The following NSD2 variants were observed in gnomAD, a reference collection of about 807,000 sequenced individuals.
The protein encoded by NSD2 is nuclear receptor binding SET domain protein 2, also known as histone-lysine N-methyltransferase NSD2.
In NSD2, 12 loss-of-function variants were observed where a neutral mutation model predicts 139.0. The observed-to-expected ratio is 0.09, with a 90% CI of 0.06 to 0.14. The LOEUF is 0.14. Among genes scored for constraint, NSD2 ranks in the 10% least tolerant of loss-of-function variants. The probability of loss-of-function intolerance (pLI) is 1.00; values close to 1 mark genes in which losing one functional copy is unlikely to be tolerated. For missense variants in NSD2, 1,155 were observed against 1,745.0 expected, an observed-to-expected ratio of 0.66 and a Z score of 6.02; for synonymous variants, 669 against 648.7, an observed-to-expected ratio of 1.03 and a Z score of -0.48.
intron 18 of NSD2, among the ~76,000 whole-genome samples, chr4:1,966,465 G>C (rs753443319): frequency 6.6e-6 from 1 of 152,056 alleles, no homozygotes; most frequent in Non-Finnish European, 1.5e-5. Context: ...GATCATCCTG[G>C]TTAACACGGT....
chr4:1,880,672 C>T (rs1274013306), intron 1 of NSD2, among the ~76,000 whole-genome samples: 1 of 150,872 alleles, frequency 6.6e-6, no homozygotes, highest in African/African-American at 2.4e-5. Context: ...AACCAATCTA[C>T]AGGAAATACA....
intron 1 of NSD2, among the ~76,000 whole-genome samples, chr4:1,895,980 C>G (rs1261342716): frequency 6.6e-6 from 1 of 152,216 alleles, no homozygotes; most frequent in Non-Finnish European, 1.5e-5. Context: ...AAGTCCTCTG[C>G]CTGGTGGTGG....
chr4:1,942,944 TTTA>T lies in NSD2; in HGVS notation c.1881+3171_1881+3173del. On this transcript the variant is annotated intron_variant, in intron 9 of 21. Transcript: ENST00000508803. This position sits in a 1 kb window ranked among gnomAD's most constrained non-coding sequence, Gnocchi z 4.0. ...ATTCTATCCTTTTTTACTAAACAGTTTTATTATGACACTAGATACAGTAAATTT... is the reference window on the plus strand; with the variant it reads ...ATTCTATCCTTTTTTACTAAACAGTTTTATGACACTAGATACAGTAAATTT... The T allele has an allele frequency of 9.5e-7, 1 of 1,053,532 alleles. No homozygotes were observed. Among genetic ancestry groups the T allele is most frequent in the Non-Finnish European group, 1.1e-6 (1 of 871,976 alleles). 65.3% of individuals were successfully genotyped at this position (1,053,532 alleles called of 1,614,324 possible).
rs1343246810 is a variant in NSD2, at chr4:1,979,421, T to C, written c.*512T>C. On this transcript the variant is annotated 3_prime_UTR_variant, in exon 22 of 22. Coordinates refer to ENST00000508803, the MANE Select transcript of NSD2 (RefSeq NM_001042424.3). Reference sequence around the variant, plus strand: ...GCCATTGTGATCATTACTCTGCTCTTTGGAAATGGCTGTATCATTTTTTTG... The same window carrying C: ...GCCATTGTGATCATTACTCTGCTCTCTGGAAATGGCTGTATCATTTTTTTG... 8.6e-6 allele frequency: 2 copies of C among 233,882 alleles called. No homozygotes were observed. The highest frequency in any genetic ancestry group is 2.2e-5 in the African/African-American group (1 of 45,390). The allele number at this position is 233,882 out of a possible 1,614,324, so 14.5% of individuals were successfully genotyped here.
intron 4 of NSD2, 108 bp downstream of exon 4, chr4:1,917,145 C>A: frequency 9.3e-7 from 1 of 1,076,558 alleles, no homozygotes; most frequent in Non-Finnish European, 1.3e-6. Flanking sequence ...ATTGTAATGG[C>A]TTAACAATCT....
chr4:1,932,104 C>T (rs969222934), intron 6 of NSD2, among the ~76,000 whole-genome samples: 1 of 152,126 alleles, frequency 6.6e-6, no homozygotes, highest in Admixed American at 6.5e-5. Context: ...GGATGGCGCA[C>T]CACATCATTG....
At chr4:1,872,629 A>AGAGAGAGAGAGAGAGC (rs1553856461) in intron 1 of NSD2, among the ~76,000 whole-genome samples, 3 of 142,596 alleles carry the variant, frequency 2.1e-5, no homozygotes, top group African/African-American at 5.2e-5. Flanking sequence ...AGAGAGAGAG[A>AGAGAGAGAGAGAGAGC]GAGAGAGCGC....
In NSD2 at chr4:1,982,012, T is replaced by C. The variant is rs1727814728; in HGVS notation, c.*3103T>C. 5.0e-6 allele frequency: 2 copies of C among 398,414 alleles called. No homozygotes were observed. Among genetic ancestry groups the C allele is most frequent in the African/African-American group, 2.1e-5 (1 of 48,640 alleles). The allele number at this position is 398,414 out of a possible 1,614,324, so 24.7% of individuals were successfully genotyped here. A position where few individuals can be genotyped will look rare whatever the true frequency, so the allele number is the denominator to read the frequency against. Reference sequence around the variant, plus strand: ...AAGGTCAGATTCCTTTTAGGAATACTGGGTGCTGTCACCAGGTTTGATAGT... The same window carrying C: ...AAGGTCAGATTCCTTTTAGGAATACCGGGTGCTGTCACCAGGTTTGATAGT... On this transcript the variant is annotated 3_prime_UTR_variant, in exon 22 of 22. Transcript: ENST00000508803.
chr4:1,909,856 G>A (rs978677245), intron 3 of NSD2, among the ~76,000 whole-genome samples: 2 of 151,756 alleles, frequency 1.3e-5, no homozygotes, highest in African/African-American at 4.8e-5. Flanking sequence ...GGCCAGGCTG[G>A]TCTCAACCTC....
At chr4:1,946,213 A>G in intron 9 of NSD2, 1 of 1,016,692 alleles carries the variant, frequency 9.8e-7, no homozygotes, top group Non-Finnish European at 1.2e-6. Flanking sequence ...CAAAGCTGTT[A>G]TTGGCTTCTT....
chr4:1,888,901 A>ATT (rs775054313), intron 1 of NSD2, among the ~76,000 whole-genome samples: 14 of 118,900 alleles, frequency 1.2e-4, no homozygotes, highest in African/African-American at 3.1e-4. Context: ...GTATATTAGT[A>ATT]TTTTTTTTTT....
intron 6 of NSD2, among the ~76,000 whole-genome samples, chr4:1,931,216 C>T (rs426891): frequency 0.041 from 6,236 of 152,278 alleles, 176 homozygotes; most frequent in Non-Finnish European, 0.064. Context: ...CTGTAGTCTG[C>T]ACCTTACAGG....
At chr4:1,952,663 C>A in intron 11 of NSD2, 1 of 1,022,044 alleles carries the variant, frequency 9.8e-7, no homozygotes, top group Non-Finnish European at 1.2e-6. Context: ...CACAGTGTCA[C>A]CTTGAGCCTC....
rs2108805076 is a variant in NSD2 at position 1,918,444 on chromosome 4, A to G, written c.1231A>G (p.Thr411Ala). Residue 411 changes from threonine (T) to alanine (A), a missense_variant, in exon 5 of 22, where the codon ACC (threonine) becomes GCC (alanine). By Grantham distance (58) the Thr-to-Ala change is moderately conservative. This residue lies in a region of NSD2 where 420 missense variants were observed against 469.0 expected (regional missense o/e 0.90). Coordinates refer to ENST00000508803, the MANE Select transcript of NSD2 (RefSeq NM_001042424.3). ...RRAKLCSSAE[T>A]LESHPDIGKS... ...GGCCAAACTGTGTAGCTCTGCAGAG[A>G]CCCTGGAGAGTCACCCCGACATAGG... The G allele has an allele frequency of 1.2e-6, 2 of 1,614,026 alleles. No homozygotes were observed. The highest frequency in any genetic ancestry group is 2.2e-5 in the East Asian group (1 of 44,852).
At chr4:1,943,006 A>G (rs1007267966) in intron 9 of NSD2, 1 of 1,050,856 alleles carries the variant, frequency 9.5e-7, no homozygotes, top group African/African-American at 1.7e-5. Flanking sequence ...TATTATTGTG[A>G]ACCATTTAAC....
chr4:1,872,629 A>AGAGAGAGAGAGAGC (rs1553856461), intron 1 of NSD2, among the ~76,000 whole-genome samples: 17 of 142,678 alleles, frequency 1.2e-4, no homozygotes, highest in African/African-American at 4.1e-4. Flanking sequence ...AGAGAGAGAG[A>AGAGAGAGAGAGAGC]GAGAGAGCGC....
chr4:1,881,228 C>T (rs771832947), intron 1 of NSD2, among the ~76,000 whole-genome samples: 4 of 151,978 alleles, frequency 2.6e-5, no homozygotes, highest in Non-Finnish European at 5.9e-5. Flanking sequence ...AGGCGTGTGC[C>T]ACTACACCTG....
rs755620801 is a variant in NSD2 at position 1,978,629 on chromosome 4, C to T, written c.3827-9C>T. The T allele has an allele frequency of 6.3e-7, 1 of 1,596,916 alleles. No individual in the cohort carries two copies. The highest frequency in any genetic ancestry group is 8.6e-7 in the Non-Finnish European group (1 of 1,167,460). On this transcript the variant is annotated splice_polypyrimidine_tract_variant and intron_variant, in intron 21 of 21. Transcript: ENST00000508803. ...CTTCTGTGTGCTCACATCTTGTGTT[C>T]TGTTGCAGGGAAGTGGGAATGTCCT...
chr4:1,975,716 T>C (rs990247219), intron 20 of NSD2: 4 of 285,272 alleles, frequency 1.4e-5, no homozygotes, highest in Admixed American at 4.7e-5. Flanking sequence ...CTGTCTCCCG[T>C]TCCTGGTGGC....
Sources: gnomAD v4.1 joint callset for allele counts (sites outside exome capture counted in the v4.1 genomes callset) on GRCh38, gnomAD v4.1.1 for gene constraint, gnomAD v4.1.1 regional missense constraint, Gnocchi (gnomAD v3.1) non-coding constraint, MANE v1.5 for transcripts, NCBI Gene and HGNC (gene_info 2026-07-23, HGNC 2026-07-21) for gene names.